PCDH15: variants seen among roughly 807,000 people sequenced by gnomAD.
PCDH15 encodes the protein protocadherin-15.
In PCDH15, 129 loss-of-function variants were observed where a neutral mutation model predicts 178.5. The observed-to-expected ratio is 0.72, with a 90% CI of 0.63 to 0.84. The LOEUF is 0.84. Among genes scored for constraint, PCDH15 ranks in the 40% least tolerant of loss-of-function variants. PCDH15 has a pLI of 0.00. For missense variants in PCDH15, 2,230 were observed against 2,099.9 expected (o/e 1.06, Z -1.21); for synonymous variants, 800 against 732.0 (o/e 1.09, Z -1.50).
chr10:54,208,733 G>A (rs759267249), intron 10 of PCDH15, among the ~76,000 whole-genome samples: 7 of 151,982 alleles, frequency 4.6e-5, no homozygotes, highest in Non-Finnish European at 8.8e-5. Context: ...GTGTGTGTGC[G>A]TGTGCGTGTG....
chr10:54,899,706 A>G (rs1048534259), intron 2 of PCDH15, among the ~76,000 whole-genome samples: 2 of 152,080 alleles, frequency 1.3e-5, no homozygotes, highest in African/African-American at 4.8e-5. Flanking sequence ...CGTATTAGCT[A>G]GGATGGTCTC....
At chr10:54,810,526 C>CA in intron 3 of PCDH15, among the ~76,000 whole-genome samples, 1 of 151,982 alleles carries the variant, frequency 6.6e-6, no homozygotes, top group Non-Finnish European at 1.5e-5. Flanking sequence ...ACACAGATTT[C>CA]ATGATTCATA....
chr10:54,150,250 T>C (rs1480151386), intron 14 of PCDH15, among the ~76,000 whole-genome samples: 1 of 151,968 alleles, frequency 6.6e-6, no homozygotes, highest in African/African-American at 2.4e-5. Flanking sequence ...AAACAAACTA[T>C]TGAGGAGGAG....
At chr10:54,690,310 CTTTTT>C (rs71014404) in intron 1 of PCDH15, among the ~76,000 whole-genome samples, 1 of 126,136 alleles carries the variant, frequency 7.9e-6, no homozygotes. Context: ...ACAAGACTAC[CTTTTT>C]TTTTTTTTTT....
chr10:55,541,405 TCTTA>T (rs1372426260), intron 2 of PCDH15, among the ~76,000 whole-genome samples: 1 of 151,940 alleles, frequency 6.6e-6, no homozygotes, highest in Admixed American at 6.6e-5. Flanking sequence ...ATCTACATCT[TCTTA>T]CTGTTTTTCC....
intron 2 of PCDH15, among the ~76,000 whole-genome samples, chr10:55,588,210 G>T (rs1439636372): frequency 6.6e-6 from 1 of 152,150 alleles, no homozygotes; most frequent in Non-Finnish European, 1.5e-5. Context: ...CTATCTGGTA[G>T]ATATTTATGG....
chr10:54,147,014 A>ATAGTGT (rs1234051172), intron 14 of PCDH15, among the ~76,000 whole-genome samples: 1 of 139,188 alleles, frequency 7.2e-6, no homozygotes, highest in Admixed American at 7.3e-5. Flanking sequence ...GTGTATATAT[A>ATAGTGT]ATGTGTATAT....
chr10:54,203,041 A>G (rs1370143783), intron 10 of PCDH15, among the ~76,000 whole-genome samples: 3 of 152,106 alleles, frequency 2.0e-5, no homozygotes, highest in Non-Finnish European at 2.9e-5. Flanking sequence ...GGTTAGCCCT[A>G]TTGGTTAGTG....
At chr10:53,907,881 T>A (rs1211591113) in intron 25 of PCDH15, among the ~76,000 whole-genome samples, 2 of 152,204 alleles carry the variant, frequency 1.3e-5, no homozygotes, top group African/African-American at 4.8e-5. Context: ...AACCTCAACT[T>A]GACTCTATGA....
intron 18 of PCDH15, among the ~76,000 whole-genome samples, chr10:54,026,077 T>C (rs1019307136): frequency 2.6e-5 from 4 of 151,510 alleles, no homozygotes; most frequent in Non-Finnish European, 5.9e-5. Context: ...ATGGGATTTT[T>C]TTTTTTTTTT....
intron 8 of PCDH15, among the ~76,000 whole-genome samples, chr10:54,306,412 C>A (rs988492730): frequency 1.3e-5 from 2 of 151,922 alleles, no homozygotes; most frequent in African/African-American, 4.8e-5. Context: ...TGGAGTTGGG[C>A]AAGTTCAAAA....
intron 21 of PCDH15, among the ~76,000 whole-genome samples, chr10:53,994,200 G>A (rs2091703684): frequency 6.6e-6 from 1 of 152,166 alleles, no homozygotes; most frequent in East Asian, 1.9e-4. Flanking sequence ...TACTACCAAA[G>A]GGGAAGTAAT....
intron 2 of PCDH15, among the ~76,000 whole-genome samples, chr10:55,367,226 C>T (rs1027084612): frequency 2.0e-5 from 3 of 151,916 alleles, no homozygotes; most frequent in African/African-American, 7.3e-5. Context: ...AATCTTTAAA[C>T]AAAATAAATT....
intron 2 of PCDH15, among the ~76,000 whole-genome samples, chr10:55,532,700 T>C (rs10509034): frequency 0.08 from 12,200 of 152,092 alleles, 650 homozygotes; most frequent in Admixed American, 0.13. Flanking sequence ...TTAAATGCTA[T>C]AGTCTTTGAT....
At chr10:54,934,617 T>C (rs1049325730) in intron 2 of PCDH15, among the ~76,000 whole-genome samples, 5 of 151,128 alleles carry the variant, frequency 3.3e-5, no homozygotes, top group Admixed American at 3.3e-4. Context: ...AGGAACACTT[T>C]TACACTGTTG....
rs552549360 is a variant in PCDH15, at chr10:55,288,939, G to T, written c.-156+30660C>A. On this transcript the variant is annotated intron_variant, in intron 1 of 5. Transcript: ENST00000458638. The stretch of plus-strand genomic sequence containing the variant: ...CAGTAATTCTATTTTTAATTTTTTT[G>T]AAAAACCACCAAATTGTTTCCCATA... Among the ~76,000 whole-genome samples the T allele has an allele frequency of 9.3e-5, 14 of 150,834 alleles. No individual in the cohort carries two copies. The South Asian group carries it at 2.7e-3, about 29-fold the overall frequency.
rs1355368859 is a variant in PCDH15 at position 54,757,502 on chromosome 10, C to A, written c.-29+43423G>T. Among the ~76,000 whole-genome samples the A allele has an allele frequency of 1.2e-4, 4 of 34,342 alleles. 2 individuals carry two copies. Among genetic ancestry groups the A allele is most frequent in the African/African-American group, 6.7e-4 (4 of 5,942 alleles). 22.5% of individuals were successfully genotyped at this position (34,342 alleles called of 152,430 possible). A position where few individuals can be genotyped will look rare whatever the true frequency, so the allele number is the denominator to read the frequency against. On this transcript the variant is annotated intron_variant, in intron 1 of 37. Transcript: ENST00000644397. ...TTCACCGTGTCAGCCAGGATGGTCT[C>A]GATCTCCTGACCTCGTGATCCGCCC...
At chr10:54,555,305 C>A (rs139559662) in intron 2 of PCDH15, among the ~76,000 whole-genome samples, 4 of 152,046 alleles carry the variant, frequency 2.6e-5, no homozygotes, top group African/African-American at 9.7e-5. Context: ...ATAGCTTTTG[C>A]CCTCAGATCT....
chr10:54,835,141 AT>A (rs1204536283), intron 3 of PCDH15, among the ~76,000 whole-genome samples: 1 of 152,114 alleles, frequency 6.6e-6, no homozygotes. Flanking sequence ...CAATAATAAT[AT>A]TATGTTGAAA....
Sources: gnomAD v4.1 joint callset for allele counts (sites outside exome capture counted in the v4.1 genomes callset) on GRCh38, gnomAD v4.1.1 for gene constraint, MANE v1.5 for transcripts, NCBI Gene and HGNC (gene_info 2026-07-23, HGNC 2026-07-21) for gene names.